The following PDE1A variants were observed in gnomAD, a reference collection of about 807,000 sequenced individuals.
PDE1A encodes dual specificity calcium/calmodulin-dependent 3',5'-cyclic nucleotide phosphodiesterase 1A.
A neutral mutation model predicts 61.7 loss-of-function variants in PDE1A; 35 were observed. The observed-to-expected ratio is 0.57, with a 90% confidence interval of 0.43 to 0.75. PDE1A has a LOEUF of 0.75. Ranked by LOEUF, PDE1A falls within the 30% of genes least tolerant of loss-of-function variation. The pLI is 0.00. For missense variants in PDE1A, 597 were observed against 630.6 expected (o/e 0.95, Z 0.57); for synonymous variants, 232 against 213.2 (o/e 1.09, Z -0.77).
chr2:182,554,543 C>A, the PDE1A span, among the ~76,000 whole-genome samples: 1 of 152,128 alleles, frequency 6.6e-6, no homozygotes, highest in South Asian at 2.1e-4. Flanking sequence ...TGAAACTAAG[C>A]AGACCTAGAT....
At chr2:182,385,000 G>GGA (rs1559402652) in intron 1 of PDE1A, among the ~76,000 whole-genome samples, 1 of 152,152 alleles carries the variant, frequency 6.6e-6, no homozygotes, top group Non-Finnish European at 1.5e-5. Flanking sequence ...TTACAGGCCA[G>GGA]GAGAGGGCAG....
At chr2:182,421,332 T>A (rs1213639448) in intron 1 of PDE1A, among the ~76,000 whole-genome samples, 1 of 152,170 alleles carries the variant, frequency 6.6e-6, no homozygotes, top group Non-Finnish European at 1.5e-5. Flanking sequence ...TTTGTGTAGC[T>A]CCTGAGTGGA....
chr2:182,401,443 C>A (rs1267173423), intron 1 of PDE1A, among the ~76,000 whole-genome samples: 2 of 152,150 alleles, frequency 1.3e-5, no homozygotes, highest in Non-Finnish European at 1.5e-5. Context: ...TCAATAGATG[C>A]AGAAAAGGCC....
chr2:182,644,851 A>G, the PDE1A span, among the ~76,000 whole-genome samples: 1 of 152,096 alleles, frequency 6.6e-6, no homozygotes, highest in African/African-American at 2.4e-5. Flanking sequence ...TAGAGTCTGG[A>G]AAAAAAACCA....
At chr2:182,503,340 T>C (rs1689208936) in intron 2 of PDE1A, among the ~76,000 whole-genome samples, 1 of 152,094 alleles carries the variant, frequency 6.6e-6, no homozygotes, top group Admixed American at 6.6e-5. Context: ...GTCAGAGAAG[T>C]CTTCTTAAAA....
intron 2 of PDE1A, among the ~76,000 whole-genome samples, chr2:182,481,926 C>A (rs558279295): frequency 6.6e-6 from 1 of 151,970 alleles, no homozygotes; most frequent in East Asian, 1.9e-4. Flanking sequence ...TCAGCTCAAT[C>A]CCTTGGCAGC....
At chr2:182,198,185 T>C (rs1030159737) in intron 10 of PDE1A, among the ~76,000 whole-genome samples, 7 of 151,952 alleles carry the variant, frequency 4.6e-5, no homozygotes, top group Non-Finnish European at 8.8e-5. Context: ...CAATTTTTAT[T>C]TTCAAATTGT....
At chr2:182,529,242 C>A in the PDE1A span, among the ~76,000 whole-genome samples, 2 of 152,216 alleles carry the variant, frequency 1.3e-5, no homozygotes, top group Non-Finnish European at 2.9e-5. Context: ...TGGGAACCTA[C>A]CTTTTGCATC....
chr2:182,558,097 T>C, the PDE1A span, among the ~76,000 whole-genome samples: 1 of 152,204 alleles, frequency 6.6e-6, no homozygotes, highest in African/African-American at 2.4e-5. Flanking sequence ...GAAAATAATT[T>C]ATCATTGATG....
At chr2:182,573,510 C>T in the PDE1A span, among the ~76,000 whole-genome samples, 3 of 152,048 alleles carry the variant, frequency 2.0e-5, no homozygotes, top group Non-Finnish European at 4.4e-5. Context: ...AGGACAGAAT[C>T]TAAAGGGACG....
chr2:182,588,517 A>G, the PDE1A span, among the ~76,000 whole-genome samples: 1 of 152,234 alleles, frequency 6.6e-6, no homozygotes, highest in Non-Finnish European at 1.5e-5. Context: ...CAGCAAAAAT[A>G]CACTCAAATA....
At chr2:182,714,080 C>T in the PDE1A span, among the ~76,000 whole-genome samples, 3 of 152,308 alleles carry the variant, frequency 2.0e-5, no homozygotes, top group Admixed American at 1.3e-4. Context: ...CTCTTTTTTA[C>T]ATCCTGTATG....
chr2:182,315,058 A>G (rs999278570), intron 1 of PDE1A, among the ~76,000 whole-genome samples: 1 of 152,166 alleles, frequency 6.6e-6, no homozygotes, highest in Non-Finnish European at 1.5e-5. Flanking sequence ...TTAAACTCAA[A>G]AAATCATCAT....
At chr2:182,514,932 A>C (rs932208243) in intron 2 of PDE1A, among the ~76,000 whole-genome samples, 3 of 152,242 alleles carry the variant, frequency 2.0e-5, no homozygotes, top group African/African-American at 7.2e-5. Context: ...TTGAATTCAC[A>C]GGAATTCTGG....
chr2:182,413,601 G>C (rs1306496354), intron 1 of PDE1A, among the ~76,000 whole-genome samples: 2 of 152,212 alleles, frequency 1.3e-5, no homozygotes, highest in African/African-American at 4.8e-5. Flanking sequence ...GCTCAAAGCA[G>C]CTAGGCTAAC....
upstream of PDE1A, among the ~76,000 whole-genome samples, chr2:182,430,539 G>T (rs1257651493): frequency 4.1e-5 from 3 of 73,742 alleles, no homozygotes; most frequent in Admixed American, 5.1e-4. Context: ...CATTGTGGAA[G>T]TCAGTGTGGT....
chr2:182,218,966 T>G (rs1055595524), intron 7 of PDE1A, among the ~76,000 whole-genome samples: 2 of 152,120 alleles, frequency 1.3e-5, no homozygotes, highest in Non-Finnish European at 2.9e-5. Flanking sequence ...ATTCAGTCAG[T>G]GAATGAACAA....
At chr2:182,590,049 G>T in the PDE1A span, among the ~76,000 whole-genome samples, 10 of 152,170 alleles carry the variant, frequency 6.6e-5, no homozygotes, top group Admixed American at 6.5e-4. Flanking sequence ...AGTTATAGGT[G>T]TCCTTTCTGG....
intron 2 of PDE1A, among the ~76,000 whole-genome samples, chr2:182,451,747 G>A (rs1574690179): frequency 6.6e-6 from 1 of 152,072 alleles, no homozygotes; most frequent in East Asian, 1.9e-4. Context: ...AGCAAACTGA[G>A]GATGCTCAGA....
Sources: allele counts gnomAD v4.1 joint callset (sites outside exome capture counted in the v4.1 genomes callset), GRCh38; gene constraint gnomAD v4.1.1; transcripts MANE v1.5; gene names NCBI Gene and HGNC (gene_info 2026-07-23, HGNC 2026-07-21).